The following OPCML variants were observed in gnomAD, a reference collection of about 807,000 sequenced individuals.
OPCML encodes the protein opioid-binding protein/cell adhesion molecule.
Under a neutral mutation model 37.8 loss-of-function variants are expected in OPCML, and 13 were observed. The observed-to-expected ratio is 0.34, with a 90% CI of 0.22 to 0.55. OPCML has a LOEUF of 0.55. OPCML is among the 20% of genes least tolerant of loss of function. The pLI, the probability that OPCML is intolerant of heterozygous loss-of-function variation, is 0.91. For synonymous variants in OPCML, 176 were observed against 168.8 expected, an observed-to-expected ratio of 1.04 and a Z score of -0.33; for missense variants, 341 against 435.6, an observed-to-expected ratio of 0.78 and a Z score of 1.93.
chr11:133,476,132 G>A (rs1038585829), intron 1 of OPCML, among the ~76,000 whole-genome samples: 1 of 152,174 alleles, frequency 6.6e-6, no homozygotes, highest in Non-Finnish European at 1.5e-5. Flanking sequence ...ACCAAGGCAT[G>A]TCTGGAAAAC....
At chr11:132,499,010 A>G (rs1241069005) in intron 4 of OPCML, among the ~76,000 whole-genome samples, 1 of 152,246 alleles carries the variant, frequency 6.6e-6, no homozygotes, top group African/African-American at 2.4e-5. Flanking sequence ...TCTGCGTCTC[A>G]GGCAAAAGCC....
rs375110526 is a variant in OPCML at position 132,548,364 on chromosome 11, C to T, written c.380-19178G>A. 3.3e-5 allele frequency among the ~76,000 whole-genome samples: 5 copies of T among 152,046 alleles called. No homozygotes were observed. In the East Asian group the frequency reaches 5.8e-4, roughly 18 times the overall value. On this transcript the variant is annotated intron_variant, in intron 3 of 7. Coordinates refer to ENST00000524381, the MANE Select transcript of OPCML (RefSeq NM_001012393.5). ...AATTCATGTTCTCCCTGGCACCTGC[C>T]CCCCTATATCTGCCCCAGAACAAAG...
intron 2 of OPCML, among the ~76,000 whole-genome samples, chr11:132,672,111 C>A (rs1251683476): frequency 1.3e-5 from 2 of 152,076 alleles, no homozygotes; most frequent in Non-Finnish European, 1.5e-5. Context: ...GCCATCAGTC[C>A]AGCTGGGGTC....
intron 2 of OPCML, among the ~76,000 whole-genome samples, chr11:132,932,450 G>A (rs370626053): frequency 6.4e-4 from 98 of 152,122 alleles, no homozygotes; most frequent in South Asian, 5.8e-3. Flanking sequence ...AACAGGGTGC[G>A]TTTTACTTTA....
At chr11:133,296,193 T>A (rs1942624171) in intron 1 of OPCML, among the ~76,000 whole-genome samples, 1 of 152,190 alleles carries the variant, frequency 6.6e-6, no homozygotes. Flanking sequence ...AGTGAAAAAT[T>A]TCCTTTAGCC....
chr11:132,846,754 C>A (rs1325478772), intron 2 of OPCML, among the ~76,000 whole-genome samples: 1 of 152,124 alleles, frequency 6.6e-6, no homozygotes, highest in Non-Finnish European at 1.5e-5. Context: ...GATAAGACTC[C>A]CAACATGATC....
At chr11:133,363,042 G>T (rs1944458487) in intron 1 of OPCML, among the ~76,000 whole-genome samples, 1 of 152,190 alleles carries the variant, frequency 6.6e-6, no homozygotes, top group Admixed American at 6.5e-5. Context: ...CGCGAGGCCA[G>T]CCAGGCATGA....
intron 2 of OPCML, among the ~76,000 whole-genome samples, chr11:132,783,095 C>G (rs1180939272): frequency 1.3e-5 from 2 of 151,872 alleles, no homozygotes; most frequent in African/African-American, 4.8e-5. Context: ...TTGGGTGAAC[C>G]TACTTATTAA....
rs1937892197 is a variant in OPCML, at chr11:132,791,301, A to C, written c.147-133982T>G. 2.0e-5 allele frequency among the ~76,000 whole-genome samples: 3 copies of C among 152,364 alleles called. No homozygotes were observed. The South Asian group carries it at 6.2e-4, about 32-fold the overall frequency. On this transcript the variant is annotated intron_variant, in intron 2 of 7. Transcript: ENST00000524381. The stretch of plus-strand genomic sequence containing the variant: ...ACTATTTACTGTGATCAGAGAGATC[A>C]AAATAGACACTGCTTTATCAGCTCA...
chr11:133,140,948 AC>A lies in OPCML; in HGVS notation c.62-197939del, dbSNP rs1368992607. 5.4e-4 allele frequency among the ~76,000 whole-genome samples: 6 copies of A among 11,138 alleles called. 3 individuals are homozygous for A. The highest frequency in any genetic ancestry group is 1.1e-3 in the African/African-American group (6 of 5,526). 7.3% of individuals were successfully genotyped at this position (11,138 alleles called of 152,430 possible). On this transcript the variant is annotated intron_variant, in intron 1 of 7. Coordinates refer to ENST00000524381, the MANE Select transcript of OPCML (RefSeq NM_001012393.5). ...GACGACGACGAAGAAGAAGAAGACG[AC>A]GAAGAAGAAGAAGAAGAAGAAGAAG...
intron 3 of OPCML, among the ~76,000 whole-genome samples, chr11:132,629,917 T>C (rs560012260): frequency 6.6e-6 from 1 of 152,322 alleles, no homozygotes; most frequent in Non-Finnish European, 1.5e-5. Flanking sequence ...GATGTAAAAA[T>C]TGTTAACCTA....
At chr11:133,038,824 G>C (rs1185671935) in intron 1 of OPCML, among the ~76,000 whole-genome samples, 2 of 84,838 alleles carry the variant, frequency 2.4e-5, no homozygotes, top group African/African-American at 1.3e-4. Context: ...CCTCTATGTT[G>C]CCAAAAAAAA....
intron 1 of OPCML, among the ~76,000 whole-genome samples, chr11:133,377,995 C>A (rs115206738): frequency 6.6e-6 from 1 of 152,276 alleles, no homozygotes; most frequent in African/African-American, 2.4e-5. Flanking sequence ...AAGTTTAATA[C>A]GCCATATTGA....
chr11:133,201,431 A>T (rs493151), intron 1 of OPCML, among the ~76,000 whole-genome samples: 103,918 of 151,924 alleles, frequency 0.68, 37,100 homozygotes, highest in African/African-American at 0.86. Context: ...CTACCTACAA[A>T]TCAAGATGGT....
At chr11:132,490,952 G>C (rs2096213863) in intron 4 of OPCML, among the ~76,000 whole-genome samples, 1 of 151,856 alleles carries the variant, frequency 6.6e-6, no homozygotes, top group African/African-American at 2.4e-5. Context: ...TTTGATAAAA[G>C]TCACTACATG....
rs79145488 is a variant in OPCML at position 132,733,577 on chromosome 11, G to T, written c.147-76258C>A. On this transcript the variant is annotated intron_variant, in intron 2 of 7. Coordinates refer to ENST00000524381, the MANE Select transcript of OPCML (RefSeq NM_001012393.5). ...TGGTCAAAGATAGAAATAATTGTGC[G>T]GCCTTTTGAGGTTCAGCTGGAGCTA... Among the ~76,000 whole-genome samples, 577 of 152,196 alleles carry T rather than the reference G, an allele frequency of 3.8e-3. 4 individuals are homozygous for T. Among genetic ancestry groups the T allele is most frequent in the African/African-American group, 0.013 (550 of 41,528 alleles).
intron 2 of OPCML, among the ~76,000 whole-genome samples, chr11:132,878,004 A>T (rs1259677271): frequency 1.3e-5 from 2 of 152,180 alleles, no homozygotes; most frequent in African/African-American, 2.4e-5. Flanking sequence ...AACATGGTGA[A>T]ACCCCGTCTC....
chr11:133,212,423 TTCCAC>T lies in OPCML; in HGVS notation c.62-269418_62-269414del, dbSNP rs766101246. The stretch of plus-strand genomic sequence containing the variant: ...ACATCAAGAATTTCGTATGCCCTGC[TTCCAC>T]TTCCTGGAAAGCTCTTTCCCCATGC... On this transcript the variant is annotated intron_variant, in intron 1 of 7. Coordinates refer to ENST00000524381, the MANE Select transcript of OPCML (RefSeq NM_001012393.5). The surrounding 1 kb of genome is among the most constrained non-coding windows in gnomAD (Gnocchi z 4.9). Among the ~76,000 whole-genome samples, 1 of 152,228 alleles carries T rather than the reference TTCCAC, an allele frequency of 6.6e-6. No homozygotes were observed. Among genetic ancestry groups the T allele is most frequent in the East Asian group, 1.9e-4 (1 of 5,164 alleles).
intron 1 of OPCML, among the ~76,000 whole-genome samples, chr11:133,431,900 C>T (rs888674366): frequency 1.3e-5 from 2 of 151,272 alleles, no homozygotes; most frequent in East Asian, 3.9e-4. Flanking sequence ...TTTCATTTGA[C>T]ATATACAGGT....
Sources: allele counts gnomAD v4.1 joint callset (sites outside exome capture counted in the v4.1 genomes callset), GRCh38; gene constraint gnomAD v4.1.1; non-coding constraint Gnocchi (gnomAD v3.1); transcripts MANE v1.5; gene names NCBI Gene and HGNC (gene_info 2026-07-23, HGNC 2026-07-21).